FAF2: variants seen among roughly 807,000 people sequenced by gnomAD.
The protein encoded by FAF2 is FAS-associated factor 2.
In FAF2, 9 loss-of-function variants were observed where a neutral mutation model predicts 62.3. That is an observed-to-expected ratio of 0.14 (90% confidence interval 0.09 to 0.25). The LOEUF is 0.25. Ranked by LOEUF, FAF2 falls within the 10% of genes least tolerant of loss-of-function variation. The probability of loss-of-function intolerance (pLI) is 1.00; values close to 1 mark genes in which losing one functional copy is unlikely to be tolerated. For synonymous variants in FAF2, 202 were observed against 198.0 expected, an observed-to-expected ratio of 1.02 and a Z score of -0.17; for missense variants, 368 against 556.2, an observed-to-expected ratio of 0.66 and a Z score of 3.40.
At chr5:176,476,463 C>T (rs1253288706) in intron 1 of FAF2, among the ~76,000 whole-genome samples, 1 of 152,044 alleles carries the variant, frequency 6.6e-6, no homozygotes, top group Non-Finnish European at 1.5e-5. Context: ...TTGTTCCCTG[C>T]TCTCAGAGAA....
At position 176,492,403 on chromosome 5, in the gene FAF2, GC is replaced by G; in HGVS notation, c.483+72del. On this transcript the variant is annotated intron_variant, in intron 5 of 10. Transcript: ENST00000261942. ...TATCCTCAAAGGAGAGCACAGCCCAGCACTGATCATGTCCTTCTTGTACTCA... is the reference window on the plus strand; with the variant it reads ...TATCCTCAAAGGAGAGCACAGCCCAGACTGATCATGTCCTTCTTGTACTCA... 3 of 1,468,136 alleles carry G rather than the reference GC, an allele frequency of 2.0e-6. No homozygotes were observed. The South Asian group carries it at 4.1e-5, about 20-fold the overall frequency. 90.9% of individuals were successfully genotyped at this position (1,468,136 alleles called of 1,614,324 possible).
At position 176,494,305 on chromosome 5, in the gene FAF2, AT is replaced by A. The variant is rs773669322; in HGVS notation, c.661+32del. The A allele has an allele frequency of 3.9e-6, 6 of 1,550,014 alleles. No homozygotes were observed. In the South Asian group the frequency reaches 6.7e-5, roughly 17 times the overall value. On this transcript the variant is annotated intron_variant, in intron 7 of 10. Coordinates refer to ENST00000261942, the MANE Select transcript of FAF2 (RefSeq NM_014613.3). The surrounding 1 kb of genome is among the most constrained non-coding windows in gnomAD (Gnocchi z 4.0). ...GTTATGTTTCTTCTGCCTCATTGAG[AT>A]TGTTGGAGTATCTTTGGAATAGTCT...
chr5:176,460,308 C>A (rs1254609802), intron 1 of FAF2, among the ~76,000 whole-genome samples: 3 of 152,016 alleles, frequency 2.0e-5, no homozygotes, highest in Non-Finnish European at 2.9e-5. Flanking sequence ...TTTGAGAAAT[C>A]CCCAGACTGC....
intron 1 of FAF2, among the ~76,000 whole-genome samples, chr5:176,451,778 G>A (rs1460716083): frequency 3.4e-5 from 3 of 87,038 alleles, no homozygotes; most frequent in African/African-American, 1.3e-4. Context: ...ATATATACGT[G>A]TGTGTGTGTA....
Position 176,494,069 on chromosome 5 carries a change from CTG to C in FAF2, c.555_556del (p.Asp186Ter). ...CTTCATGGAGATGATCACCAGGACT[CTG>C]ATGAGTTTTGTCGGTAAGTGGATTG... On this transcript the variant is annotated frameshift_variant, in exon 6 of 11. Transcript: ENST00000261942. LOFTEE classifies it high-confidence loss of function. This position sits in a 1 kb window ranked among gnomAD's most constrained non-coding sequence, Gnocchi z 4.0. 6.2e-7 allele frequency: 1 copy of C among 1,614,010 alleles called. No homozygotes were observed. Among genetic ancestry groups the C allele is most frequent in the Non-Finnish European group, 8.5e-7 (1 of 1,179,906 alleles).
At chr5:176,456,557 C>G (rs1040076184) in intron 1 of FAF2, among the ~76,000 whole-genome samples, 8 of 85,170 alleles carry the variant, frequency 9.4e-5, no homozygotes, top group African/African-American at 4.4e-4. Context: ...AGGAACTCTC[C>G]TGAGCTCAAG....
chr5:176,470,326 C>T lies in FAF2; in HGVS notation c.64-8862C>T, dbSNP rs1025641473. 1.1e-4 allele frequency among the ~76,000 whole-genome samples: 16 copies of T among 152,202 alleles called. No homozygotes were observed. The East Asian group carries it at 3.1e-3, about 29-fold the overall frequency. On this transcript the variant is annotated intron_variant, in intron 1 of 10. Transcript: ENST00000261942. ...GGTGCGGTGACTCACGCCTATAATC[C>T]CAGCACTTTGGGAGGCCGAGGCGGG...
chr5:176,490,571 C>A (rs1758956341), intron 4 of FAF2, among the ~76,000 whole-genome samples: 1 of 152,114 alleles, frequency 6.6e-6, no homozygotes, highest in Non-Finnish European at 1.5e-5. Flanking sequence ...GGTCCAGCAG[C>A]TGCATAAGTA....
Position 176,499,128 on chromosome 5 carries a change from C to T in FAF2, c.1011+43C>T, listed in dbSNP as rs748261959. 6.9e-5 allele frequency: 104 copies of T among 1,503,496 alleles called. No homozygotes were observed. In the Middle Eastern group the frequency reaches 1.1e-3, roughly 16 times the overall value. 93.1% of individuals were successfully genotyped at this position (1,503,496 alleles called of 1,614,324 possible). A position where few individuals can be genotyped will look rare whatever the true frequency, so the allele number is the denominator to read the frequency against. On this transcript the variant is annotated intron_variant, in intron 9 of 10. Coordinates refer to ENST00000261942, the MANE Select transcript of FAF2 (RefSeq NM_014613.3). ...TTACTCCCTGTGGTTCCCAAACTGC[C>T]GAGACTTTGCCATCTTGGTCTTAAG...
chr5:176,463,098 A>G (rs1758406031), intron 1 of FAF2, among the ~76,000 whole-genome samples: 1 of 152,128 alleles, frequency 6.6e-6, no homozygotes, highest in African/African-American at 2.4e-5. Context: ...ATACTAGAAT[A>G]GGAATTAATA....
In FAF2 at chr5:176,448,440, G is replaced by A. The variant is rs756753241; in HGVS notation, c.33G>A (p.Gln11=). 1.2e-6 allele frequency: 2 copies of A among 1,607,144 alleles called. No homozygotes were observed. The highest frequency in any genetic ancestry group is 1.7e-6 in the Non-Finnish European group (2 of 1,177,086). MAAPEERDLT[Q]EQTEKLLQFQ... ...CGCCTGAGGAGCGGGATCTAACCCA[G>A]GAGCAGACAGAGAAGCTGCTGCAGT... is the stretch of plus-strand genomic sequence containing the variant. Residue 11 remains glutamine (Q), a synonymous_variant, in exon 1 of 11, where the codon CAG becomes CAA. Coordinates refer to ENST00000261942, the MANE Select transcript of FAF2 (RefSeq NM_014613.3).
chr5:176,451,847 C>T (rs12716316), intron 1 of FAF2, among the ~76,000 whole-genome samples: 5,294 of 21,576 alleles, frequency 0.25, 1,025 homozygotes, highest in African/African-American at 0.41. Flanking sequence ...TATATACACA[C>T]ATATATATAC....
At chr5:176,495,060 C>G (rs1581073664) in intron 7 of FAF2, among the ~76,000 whole-genome samples, 1 of 152,136 alleles carries the variant, frequency 6.6e-6, no homozygotes, top group South Asian at 2.1e-4. Context: ...GTTTGAGTAC[C>G]TTGAGTGCTG....
intron 1 of FAF2, among the ~76,000 whole-genome samples, chr5:176,474,169 C>T (rs1758620917): frequency 6.6e-6 from 1 of 152,178 alleles, no homozygotes; most frequent in African/African-American, 2.4e-5. Context: ...TTAAGCTAAA[C>T]ATGAGTTGAT....
At chr5:176,499,923 G>C in intron 9 of FAF2, 80 bp from the exon 10 acceptor site, 1 of 1,529,396 alleles carries the variant, frequency 6.5e-7, no homozygotes, top group South Asian at 1.2e-5. Context: ...TTTTTCTTCT[G>C]ACGACTGCGT....
intron 1 of FAF2, among the ~76,000 whole-genome samples, chr5:176,461,877 A>G (rs1411998847): frequency 6.6e-6 from 1 of 152,156 alleles, no homozygotes; most frequent in Non-Finnish European, 1.5e-5. Flanking sequence ...CTTTGCCAAG[A>G]CCAATGTCCA....
intron 1 of FAF2, among the ~76,000 whole-genome samples, chr5:176,463,716 T>G (rs931292941): frequency 6.6e-6 from 1 of 151,768 alleles, no homozygotes; most frequent in African/African-American, 2.4e-5. Flanking sequence ...AATAAAGGGT[T>G]ATTGCATGTT....
chr5:176,489,273 ATATT>A lies in FAF2; in HGVS notation c.344+252_344+255del, dbSNP rs1758929162. On this transcript the variant is annotated intron_variant, in intron 4 of 10. Coordinates refer to ENST00000261942, the MANE Select transcript of FAF2 (RefSeq NM_014613.3). ...TTTGTTTGCAAAAACCAGTCTGACT[ATATT>A]TATTTGTCTCCCCCTCCCCCCCCCA... Among the ~76,000 whole-genome samples the A allele has an allele frequency of 4.2e-5, 6 of 143,906 alleles. No individual in the cohort carries two copies. In the South Asian group the frequency reaches 1.4e-3, roughly 33 times the overall value. The allele number at this position is 143,906 out of a possible 152,430, so 94.4% of individuals were successfully genotyped here.
In FAF2 at chr5:176,471,473, C is replaced by T. The variant is rs1758567917; in HGVS notation, c.64-7715C>T. Among the ~76,000 whole-genome samples the T allele has an allele frequency of 4.0e-5, 6 of 149,428 alleles. No homozygotes were observed. The South Asian group carries it at 1.3e-3, about 32-fold the overall frequency. ...TCTCAGCTCACTGCAAACTCTGCCT[C>T]CCGGGTTCAAGTGATTCTCCTGCCT... On this transcript the variant is annotated intron_variant, in intron 1 of 10. Transcript: ENST00000261942.
Sources: allele counts gnomAD v4.1 joint callset (sites outside exome capture counted in the v4.1 genomes callset), GRCh38; gene constraint gnomAD v4.1.1; non-coding constraint Gnocchi (gnomAD v3.1); transcripts MANE v1.5; gene names NCBI Gene and HGNC (gene_info 2026-07-23, HGNC 2026-07-21).